MTREX: variants seen among roughly 807,000 people sequenced by gnomAD.
The protein encoded by MTREX is Mtr4 exosome RNA helicase, also known as exosome RNA helicase MTR4.
In MTREX, 76 loss-of-function variants were observed where a neutral mutation model predicts 135.4. The observed-to-expected ratio is 0.56, with a 90% CI of 0.47 to 0.68. The LOEUF is 0.68. Among genes scored for constraint, MTREX ranks in the 30% least tolerant of loss-of-function variants. MTREX has a pLI of 0.00. For missense variants in MTREX, 920 were observed against 1,262.1 expected (o/e 0.73, Z 4.11); for synonymous variants, 404 against 401.6 (o/e 1.01, Z -0.07).
intron 5 of MTREX, among the ~76,000 whole-genome samples, chr5:55,334,469 G>A (rs1215425936): frequency 6.6e-6 from 1 of 151,962 alleles, no homozygotes; most frequent in Non-Finnish European, 1.5e-5. Flanking sequence ...CTATAGCAGG[G>A]TGCAACATTT....
At position 55,425,472 on chromosome 5, in the gene MTREX, A is replaced by G; in HGVS notation, c.*700A>G. 2 of 763,326 alleles carry G rather than the reference A, an allele frequency of 2.6e-6. No individual in the cohort carries two copies. The highest frequency in any genetic ancestry group is 3.8e-6 in the Non-Finnish European group (2 of 521,278). The allele number at this position is 763,326 out of a possible 1,614,324, so 47.3% of individuals were successfully genotyped here. A position where few individuals can be genotyped will look rare whatever the true frequency, so the allele number is the denominator to read the frequency against. On this transcript the variant is annotated 3_prime_UTR_variant, in exon 27 of 27. Coordinates refer to ENST00000230640, the MANE Select transcript of MTREX (RefSeq NM_015360.5). ...GTACAGATTAAGCATATAAAAAATTAGAGACTAACTGGGATTTTTTAAAGA... is the reference window on the plus strand; with the variant it reads ...GTACAGATTAAGCATATAAAAAATTGGAGACTAACTGGGATTTTTTAAAGA...
intron 9 of MTREX, among the ~76,000 whole-genome samples, chr5:55,344,864 G>A (rs981067438): frequency 1.2e-4 from 19 of 152,090 alleles, no homozygotes; most frequent in African/African-American, 4.3e-4. Flanking sequence ...AATACCTAGA[G>A]AATAGGGGTT....
At chr5:55,343,019 G>A (rs1343800359) in intron 7 of MTREX, among the ~76,000 whole-genome samples, 1 of 152,180 alleles carries the variant, frequency 6.6e-6, no homozygotes, top group Non-Finnish European at 1.5e-5. Flanking sequence ...ACTTTTCAAT[G>A]TGCAGTAGAA....
chr5:55,415,502 G>A (rs1750953407), intron 24 of MTREX, among the ~76,000 whole-genome samples: 1 of 152,072 alleles, frequency 6.6e-6, no homozygotes, highest in Non-Finnish European at 1.5e-5. Context: ...GGAGTTTTTG[G>A]CCTTTTAGAT....
At chr5:55,335,754 A>G (rs527527743) in intron 5 of MTREX, among the ~76,000 whole-genome samples, 81 of 152,186 alleles carry the variant, frequency 5.3e-4, no homozygotes, top group African/African-American at 1.7e-3. Context: ...TTGTATTTCC[A>G]ATAGTATTTT....
At chr5:55,410,906 AAGTCCTAGAC>A (rs1750876244) in intron 23 of MTREX, among the ~76,000 whole-genome samples, 1 of 152,216 alleles carries the variant, frequency 6.6e-6, no homozygotes, top group Non-Finnish European at 1.5e-5. Context: ...ACATTTGGCC[AAGTCCTAGAC>A]AGTCCTAGAA....
intron 8 of MTREX, 125 bp downstream of exon 8, chr5:55,343,580 A>G (rs966565064): frequency 1.3e-6 from 1 of 780,636 alleles, no homozygotes. Flanking sequence ...TTAATGGTAA[A>G]CTGCTTCTCA....
rs12656031 is a variant in MTREX, at chr5:55,325,026, G to A, written c.339+828G>A. Among the ~76,000 whole-genome samples the A allele has an allele frequency of 2.6e-5, 4 of 152,240 alleles. No individual in the cohort carries two copies. In the East Asian group the frequency reaches 7.7e-4, roughly 29 times the overall value. ...TGCCACAAGATGGTGGTCAGAGATA[G>A]CTTGTATCCATTTAGAAGTGAGAAT... is the stretch of plus-strand genomic sequence containing the variant. On this transcript the variant is annotated intron_variant, in intron 3 of 26. Coordinates refer to ENST00000230640, the MANE Select transcript of MTREX (RefSeq NM_015360.5).
intron 24 of MTREX, among the ~76,000 whole-genome samples, 199 bp from the exon 25 acceptor site, chr5:55,415,771 A>C (rs1189523601): frequency 6.6e-6 from 1 of 152,206 alleles, no homozygotes; most frequent in Non-Finnish European, 1.5e-5. Flanking sequence ...TAACTACCTC[A>C]ACATAATGGG....
chr5:55,354,997 G>A (rs756529854), intron 14 of MTREX, among the ~76,000 whole-genome samples: 3 of 152,206 alleles, frequency 2.0e-5, no homozygotes, highest in Admixed American at 6.5e-5. Context: ...TGGATTGGGC[G>A]AGGGAAGCTC....
At chr5:55,312,411 TTC>T (rs201936521) in intron 1 of MTREX, among the ~76,000 whole-genome samples, 2 of 151,744 alleles carry the variant, frequency 1.3e-5, no homozygotes, top group South Asian at 2.1e-4. Flanking sequence ...TTATTTCTTC[TTC>T]TTTTTTTTTT....
chr5:55,311,779 A>G (rs1008171486), intron 1 of MTREX, among the ~76,000 whole-genome samples: 3 of 152,240 alleles, frequency 2.0e-5, no homozygotes, highest in Non-Finnish European at 4.4e-5. Context: ...TAATTTGGTT[A>G]TAATTGAAAT....
intron 3 of MTREX, among the ~76,000 whole-genome samples, chr5:55,325,989 A>G (rs1749371416): frequency 6.6e-6 from 1 of 152,194 alleles, no homozygotes; most frequent in Non-Finnish European, 1.5e-5. Context: ...TTCTACTGAA[A>G]GTCTCTTATG....
At chr5:55,373,144 T>G (rs1484929811) in intron 16 of MTREX, among the ~76,000 whole-genome samples, 1 of 151,020 alleles carries the variant, frequency 6.6e-6, no homozygotes, top group Non-Finnish European at 1.5e-5. Context: ...TCTTTTTGTC[T>G]TAGATCTGTT....
intron 16 of MTREX, among the ~76,000 whole-genome samples, chr5:55,367,787 T>TAA (rs1374043933): frequency 6.6e-6 from 1 of 152,240 alleles, no homozygotes; most frequent in Non-Finnish European, 1.5e-5. Context: ...GGCAACGATT[T>TAA]AAAGTACTGG....
chr5:55,361,699 C>A (rs1166942477), intron 15 of MTREX, among the ~76,000 whole-genome samples: 1 of 151,250 alleles, frequency 6.6e-6, no homozygotes, highest in African/African-American at 2.4e-5. Flanking sequence ...CTCAGGTGAT[C>A]TGCCTGCCTC....
rs1751121669 is a variant in MTREX at position 55,424,702 on chromosome 5, T to C, written c.3077-18T>C. On this transcript the variant is annotated intron_variant, in intron 26 of 26. Coordinates refer to ENST00000230640, the MANE Select transcript of MTREX (RefSeq NM_015360.5). ...TTTGTGGTCTTGAAAGTTTAAACCT[T>C]ACTTTCTTTTCTCTTAGGAATCACC... 9.4e-6 allele frequency: 15 copies of C among 1,597,116 alleles called. No individual in the cohort carries two copies. Among genetic ancestry groups the C allele is most frequent in the Non-Finnish European group, 1.0e-5 (12 of 1,164,700 alleles).
At chr5:55,359,467 G>A (rs530518834) in intron 15 of MTREX, among the ~76,000 whole-genome samples, 13 of 152,266 alleles carry the variant, frequency 8.5e-5, no homozygotes, top group African/African-American at 3.1e-4. Flanking sequence ...TTAGACTTGG[G>A]AACTTTGTGG....
At chr5:55,351,483 G>T (rs2112070084) in intron 13 of MTREX, among the ~76,000 whole-genome samples, 2 of 152,278 alleles carry the variant, frequency 1.3e-5, no homozygotes, top group African/African-American at 4.8e-5. Flanking sequence ...AGTGAGCGGA[G>T]ATCACACCAT....
Sources: gnomAD v4.1 joint callset for allele counts (sites outside exome capture counted in the v4.1 genomes callset) on GRCh38, gnomAD v4.1.1 for gene constraint, MANE v1.5 for transcripts, NCBI Gene and HGNC (gene_info 2026-07-23, HGNC 2026-07-21) for gene names.